The following LTBP2 variants were observed in gnomAD, a reference collection of about 807,000 sequenced individuals.
The protein encoded by LTBP2 is latent transforming growth factor beta binding protein 2, also known as latent-transforming growth factor beta-binding protein 2.
A neutral mutation model predicts 210.6 loss-of-function variants in LTBP2; 103 were observed. The observed-to-expected ratio is 0.49, with a 90% CI of 0.42 to 0.58. The LOEUF (loss-of-function observed/expected upper bound fraction) is 0.58, where lower values mean the gene tolerates loss of function less well. Among genes scored for constraint, LTBP2 ranks in the 20% least tolerant of loss-of-function variants. The probability of loss-of-function intolerance (pLI) is 0.00; values close to 1 mark genes in which losing one functional copy is unlikely to be tolerated. For synonymous variants in LTBP2, 1,007 were observed against 1,015.0 expected (o/e 0.99, Z 0.15); for missense variants, 2,313 against 2,494.5 (o/e 0.93, Z 1.55).
chr14:74,514,110 T>A (rs2087106292), intron 18 of LTBP2, among the ~76,000 whole-genome samples: 1 of 152,234 alleles, frequency 6.6e-6, no homozygotes, highest in South Asian at 2.1e-4. Flanking sequence ...TATTACCAGC[T>A]ACTCTGAGGC....
intron 17 of LTBP2, among the ~76,000 whole-genome samples, chr14:74,520,608 C>T (rs1430021773): frequency 6.6e-6 from 1 of 152,148 alleles, no homozygotes; most frequent in Non-Finnish European, 1.5e-5. Flanking sequence ...CGAGACCAGC[C>T]TGGCCAATAT....
At chr14:74,585,101 T>C (rs534847712) in intron 3 of LTBP2, among the ~76,000 whole-genome samples, 39 of 152,354 alleles carry the variant, frequency 2.6e-4, no homozygotes, top group Non-Finnish European at 4.4e-4. Flanking sequence ...AAAGTTCAGA[T>C]TTCCTGTCCT....
At position 74,511,345 on chromosome 14, in the gene LTBP2, G is replaced by A; in HGVS notation, c.2928C>T (p.His976=). The change falls in exon 19 of 36, where the codon CAC becomes CAT. Residue 976 remains histidine, a synonymous_variant. Coordinates refer to ENST00000261978, the MANE Select transcript of LTBP2 (RefSeq NM_000428.3). ...GHCQDINECR[H]PGTCPDGRCV... ...ATCTCCCATCAGGGCAGGTACCGGG[G>A]TGACGGCATTCGTTGATATCTGCAA... 1 of 1,614,126 alleles carries A rather than the reference G, an allele frequency of 6.2e-7. No individual in the cohort carries two copies. Among genetic ancestry groups the A allele is most frequent in the Non-Finnish European group, 8.5e-7 (1 of 1,180,018 alleles).
At chr14:74,601,362 A>G (rs914897212) in intron 2 of LTBP2, among the ~76,000 whole-genome samples, 9 of 152,316 alleles carry the variant, frequency 5.9e-5, no homozygotes, top group Admixed American at 5.2e-4. Flanking sequence ...CCTAGCCAAC[A>G]TGATAAAACC....
intron 2 of LTBP2, among the ~76,000 whole-genome samples, chr14:74,600,651 C>A (rs557230419): frequency 1.3e-5 from 2 of 152,138 alleles, no homozygotes; most frequent in Non-Finnish European, 2.9e-5. Context: ...AGGCCCACCC[C>A]CTATGAAGCC....
chr14:74,509,288 T>C lies in LTBP2; in HGVS notation c.3353A>G (p.Lys1118Arg). The change falls in exon 22 of 36, where the codon AAG (lysine) becomes AGG (arginine). Residue 1118 changes from lysine to arginine, a missense_variant. Lys to Arg is a conservative substitution (Grantham distance 26). Coordinates refer to ENST00000261978, the MANE Select transcript of LTBP2 (RefSeq NM_000428.3). ...GGGCCGGTAGCCCCCATCGCAGTCC[T>C]TGCAGGAGAAGGAGCCAGCCGTGTT... ...CTNTAGSFSCKDCDGGYRPSP... is the reference protein window; with the variant it reads ...CTNTAGSFSCRDCDGGYRPSP... 6.2e-7 allele frequency: 1 copy of C among 1,613,614 alleles called. No individual in the cohort carries two copies. The highest frequency in any genetic ancestry group is 2.2e-5 in the East Asian group (1 of 44,872).
In LTBP2 at chr14:74,508,825, C is replaced by A; in HGVS notation, c.3526+5G>T. On this transcript the variant is annotated splice_donor_5th_base_variant and intron_variant, in intron 23 of 35. Transcript: ENST00000261978. ...ACCCCCAGTAGGGTGACCTGGGTCA[C>A]TCACCCTCACACACGGTGCCATTGG... is the stretch of plus-strand genomic sequence containing the variant. 6.2e-7 allele frequency: 1 copy of A among 1,613,682 alleles called. No homozygotes were observed. Among genetic ancestry groups the A allele is most frequent in the South Asian group, 1.1e-5 (1 of 91,078 alleles).
intron 2 of LTBP2, among the ~76,000 whole-genome samples, chr14:74,598,081 T>G (rs983564677): frequency 1.2e-4 from 19 of 152,206 alleles, no homozygotes; most frequent in African/African-American, 4.6e-4. Flanking sequence ...GGCAGAACCA[T>G]CAACAACTTG....
chr14:74,569,861 AC>A (rs1328676303), intron 3 of LTBP2, among the ~76,000 whole-genome samples: 32 of 152,254 alleles, frequency 2.1e-4, no homozygotes, highest in African/African-American at 7.2e-4. Context: ...GCCCAAGCTC[AC>A]GTATCTCATG....
chr14:74,512,034 G>C lies in LTBP2; in HGVS notation c.2909-670C>G, dbSNP rs150510099. 7.2e-5 allele frequency among the ~76,000 whole-genome samples: 11 copies of C among 152,330 alleles called. 1 individual carries two copies. The highest frequency in any genetic ancestry group is 2.6e-4 in the African/African-American group (11 of 41,576). ...GAAGGGTTAAGCCTGGACACCAAAT[G>C]GACACCCAGGGGACGAGAGGACCCA... On this transcript the variant is annotated intron_variant, in intron 18 of 35. Coordinates refer to ENST00000261978, the MANE Select transcript of LTBP2 (RefSeq NM_000428.3).
Position 74,508,915 on chromosome 14 carries a change from C to T in LTBP2, c.3441G>A (p.Leu1147=), listed in dbSNP as rs756793516. 17 of 1,613,812 alleles carry T rather than the reference C, an allele frequency of 1.1e-5. No homozygotes were observed. The Admixed American group carries it at 2.7e-4, about 25-fold the overall frequency. ...CCACAGTGTTCTTGCACTCGCCTCC[C>T]AGGCAGCTGCTCTGGGGGTCTTCAC... ...DECEDPQSSC[L]GGECKNTVGS... is the part of the protein sequence containing the mutation. The change falls in exon 23 of 36, where the codon CTG becomes CTA. Residue 1147 remains leucine, a synonymous_variant. Transcript: ENST00000261978.
Position 74,500,934 on chromosome 14 carries a change from G to A in LTBP2, c.5416C>T (p.Pro1806Ser), listed in dbSNP as rs1221526762. 3 of 1,614,074 alleles carry A rather than the reference G, an allele frequency of 1.9e-6. No homozygotes were observed. Among genetic ancestry groups the A allele is most frequent in the Non-Finnish European group, 2.5e-6 (3 of 1,180,046 alleles). ...TEGSYRCHCSPGYVAEAGPPH... is the reference protein window; with the variant it reads ...TEGSYRCHCSSGYVAEAGPPH... ...GGCCCTGCCTCAGCCACATATCCCG[G>A]GGAGCAGTGGCAGCGGTAGGAGCCC... The change falls in exon 36 of 36, where the codon CCG (proline) becomes TCG (serine). Residue 1806 changes from proline to serine, a missense_variant. By Grantham distance (74) the Pro-to-Ser change is moderately conservative. Transcript: ENST00000261978.
rs1265871242 is a variant in LTBP2, at chr14:74,551,099, G to T, written c.1651C>A (p.Leu551Met). ...ACAGTGTTCAGGTAACACCGGCCCA[G>T]CAGTCCTCGAGGCCTGGGTGCTGCT... ...PPAAPRPRGL[L>M]GRCYLNTVNG... Residue 551 changes from leucine (L) to methionine (M), a missense_variant, in exon 7 of 36, where the codon CTG (leucine) becomes ATG (methionine). Around this residue, in one of 3 missense-constraint regions of LTBP2, gnomAD observed 1,867 missense variants for 1,976.9 expected, o/e 0.94. Transcript: ENST00000261978. 1 of 1,613,824 alleles carries T rather than the reference G, an allele frequency of 6.2e-7. No homozygotes were observed. The highest frequency in any genetic ancestry group is 8.5e-7 in the Non-Finnish European group (1 of 1,180,032).
In LTBP2 at chr14:74,503,672, G is replaced by T. The variant is rs140420432; in HGVS notation, c.4583-66C>A. Reference sequence around the variant, plus strand: ...TTTCCACCAACCACCCTCAGGGAAGGGTGTTTGCCTATCACTGATAATGAA... The same window carrying T: ...TTTCCACCAACCACCCTCAGGGAAGTGTGTTTGCCTATCACTGATAATGAA... On this transcript the variant is annotated intron_variant, in intron 31 of 35. Coordinates refer to ENST00000261978, the MANE Select transcript of LTBP2 (RefSeq NM_000428.3). 9 of 1,598,066 alleles carry T rather than the reference G, an allele frequency of 5.6e-6. No individual in the cohort carries two copies. The East Asian group carries it at 1.6e-4, about 28-fold the overall frequency.
rs1595279592 is a variant in LTBP2, at chr14:74,564,345, TTATATATATTTATA to T, written c.831-8666_831-8653del. Among the ~76,000 whole-genome samples, 8 of 5,500 alleles carry T rather than the reference TTATATATATTTATA, an allele frequency of 1.5e-3. 1 individual carries two copies. The East Asian group carries it at 0.041, about 28-fold the overall frequency. The allele number at this position is 5,500 out of a possible 152,430, so 3.6% of individuals were successfully genotyped here. On this transcript the variant is annotated intron_variant, in intron 3 of 35. Transcript: ENST00000261978. The stretch of plus-strand genomic sequence containing the variant: ...TATATATATATTTATATATATATAT[TTATATATATTTATA>T]TATATATTTATATATATATATTTAT...
intron 9 of LTBP2, among the ~76,000 whole-genome samples, chr14:74,533,940 G>A (rs182530319): frequency 6.6e-5 from 10 of 152,110 alleles, no homozygotes; most frequent in African/African-American, 9.6e-5. Flanking sequence ...CAGGCCAGGC[G>A]GTAACACAGG....
At chr14:74,583,160 G>A (rs939679526) in intron 3 of LTBP2, among the ~76,000 whole-genome samples, 5 of 152,240 alleles carry the variant, frequency 3.3e-5, no homozygotes, top group Middle Eastern at 3.4e-3. Context: ...CAAGTCTCTC[G>A]GTCTCTGCCT....
chr14:74,506,206 A>G lies in LTBP2; in HGVS notation c.4034-15T>C. 1 of 1,613,874 alleles carries G rather than the reference A, an allele frequency of 6.2e-7. No individual in the cohort carries two copies. On this transcript the variant is annotated splice_polypyrimidine_tract_variant and intron_variant, in intron 27 of 35. Transcript: ENST00000261978. ...CTCGTTCACATCTGCCAGGTGTGAGAACAGGCTCGTGGGCAGAAAAGAGGC... is the reference window on the plus strand; with the variant it reads ...CTCGTTCACATCTGCCAGGTGTGAGGACAGGCTCGTGGGCAGAAAAGAGGC...
intron 2 of LTBP2, among the ~76,000 whole-genome samples, chr14:74,595,340 A>G (rs1295684835): frequency 6.6e-6 from 1 of 152,206 alleles, no homozygotes; most frequent in Admixed American, 6.5e-5. Context: ...ATGAGGAGGA[A>G]GACTCTGGGC....
Sources: allele counts gnomAD v4.1 joint callset (sites outside exome capture counted in the v4.1 genomes callset), GRCh38; gene constraint gnomAD v4.1.1; regional missense constraint gnomAD v4.1.1; transcripts MANE v1.5; gene names NCBI Gene and HGNC (gene_info 2026-07-23, HGNC 2026-07-21).